The following EMCN variants were observed in gnomAD, a reference collection of about 807,000 sequenced individuals.
EMCN encodes MUC-14.
In EMCN, 37 loss-of-function variants were observed where a neutral mutation model predicts 38.4. The ratio of observed to expected loss-of-function variants is 0.96; its 90% CI spans 0.74 to 1.27. The LOEUF is 1.27. Among genes scored for constraint, EMCN ranks in the 50% most tolerant of loss-of-function variants. The probability of loss-of-function intolerance (pLI) is 0.00; values close to 1 mark genes in which losing one functional copy is unlikely to be tolerated. For synonymous variants in EMCN, 95 were observed against 100.8 expected, an observed-to-expected ratio of 0.94 and a Z score of 0.35; for missense variants, 318 against 302.8, an observed-to-expected ratio of 1.05 and a Z score of -0.37.
At chr4:100,509,327 A>C (rs1405742819) in intron 1 of EMCN, among the ~76,000 whole-genome samples, 1 of 152,238 alleles carries the variant, frequency 6.6e-6, no homozygotes, top group Non-Finnish European at 1.5e-5. Flanking sequence ...AAAAATAAAA[A>C]GTTCACTGAT....
At chr4:100,412,534 G>C (rs973702576) in intron 10 of EMCN, among the ~76,000 whole-genome samples, 1 of 152,076 alleles carries the variant, frequency 6.6e-6, no homozygotes, top group African/African-American at 2.4e-5. Context: ...TGTATTAACT[G>C]TCTGAGATGA....
chr4:100,487,096 T>C, intron 1 of EMCN: 1 of 830,320 alleles, frequency 1.2e-6, no homozygotes, highest in Non-Finnish European at 1.5e-6. Flanking sequence ...AAAAGGAATA[T>C]CTTGGCAATG....
rs1339332964 is a variant in EMCN at position 100,396,015 on chromosome 4, A to AT, written c.*2397dup. 1 of 152,202 alleles carries AT rather than the reference A, an allele frequency of 6.6e-6. No individual in the cohort carries two copies. The highest frequency in any genetic ancestry group is 6.6e-5 in the Admixed American group (1 of 15,266). The allele number at this position is 152,202 out of a possible 1,614,324, so 9.4% of individuals were successfully genotyped here. On this transcript the variant is annotated 3_prime_UTR_variant, in exon 12 of 12. Transcript: ENST00000296420. The stretch of plus-strand genomic sequence containing the variant: ...AATGATGTTTGAACTGTGTATCAGA[A>AT]TAAAAAACTTACAGTAAGCCAGGCA...
intron 3 of EMCN, among the ~76,000 whole-genome samples, chr4:100,468,150 CAA>C: frequency 6.6e-6 from 1 of 152,142 alleles, no homozygotes. Flanking sequence ...GAATTTAACA[CAA>C]GAGATGCTTG....
chr4:100,455,905 C>T (rs1479714718), intron 4 of EMCN, among the ~76,000 whole-genome samples: 1 of 152,110 alleles, frequency 6.6e-6, no homozygotes, highest in Non-Finnish European at 1.5e-5. Context: ...ATCAATCCTC[C>T]TGCCTCACCC....
chr4:100,462,803 A>G (rs373340435), intron 4 of EMCN, among the ~76,000 whole-genome samples: 94 of 152,280 alleles, frequency 6.2e-4, no homozygotes, highest in African/African-American at 2.2e-3. Context: ...GTAGTTTACA[A>G]TTATGGTGTG....
intron 5 of EMCN, among the ~76,000 whole-genome samples, chr4:100,430,243 C>T (rs568191060): frequency 6.6e-6 from 1 of 152,130 alleles, no homozygotes; most frequent in South Asian, 2.1e-4. Flanking sequence ...TTCATTTGCC[C>T]AGGGCCCCAC....
At chr4:100,416,978 G>A in intron 9 of EMCN, 139 bp downstream of exon 9, 1 of 767,850 alleles carries the variant, frequency 1.3e-6, no homozygotes, top group Admixed American at 2.4e-5. Flanking sequence ...TAAATGGAGA[G>A]AGCTCTGACA....
intron 1 of EMCN, among the ~76,000 whole-genome samples, chr4:100,510,192 G>T (rs1384597606): frequency 2.0e-5 from 3 of 152,110 alleles, no homozygotes; most frequent in African/African-American, 7.2e-5. Context: ...TGAGGATGTT[G>T]ACTATTTTCA....
In EMCN at chr4:100,409,380, A is replaced by C. The variant is rs112503654; in HGVS notation, c.*39+902T>G. The stretch of plus-strand genomic sequence containing the variant: ...TTCCTTACTTAGTTCTAGGAAAGTA[A>C]AAGTCAATCCCATACCAACTGGGAG... On this transcript the variant is annotated intron_variant, in intron 11 of 11. Transcript: ENST00000296420. 2.7e-3 allele frequency among the ~76,000 whole-genome samples: 411 copies of C among 152,304 alleles called. 2 individuals are homozygous for C. Among genetic ancestry groups the C allele is most frequent in the African/African-American group, 9.5e-3 (394 of 41,558 alleles).
intron 7 of EMCN, 55 bp downstream of exon 7, chr4:100,422,966 C>G: frequency 6.5e-7 from 1 of 1,539,670 alleles, no homozygotes; most frequent in Non-Finnish European, 9.0e-7. Flanking sequence ...TTACTGGTCA[C>G]ATTCAAACAT....
intron 5 of EMCN, among the ~76,000 whole-genome samples, chr4:100,431,932 G>A (rs193044829): frequency 9.9e-5 from 15 of 151,876 alleles, no homozygotes; most frequent in Non-Finnish European, 2.1e-4. Flanking sequence ...TTCTCAATTC[G>A]GTAAGGCACA....
At chr4:100,516,227 G>A (rs954165647) in intron 1 of EMCN, among the ~76,000 whole-genome samples, 1 of 152,100 alleles carries the variant, frequency 6.6e-6, no homozygotes, top group Non-Finnish European at 1.5e-5. Context: ...AAACCTGCCA[G>A]TACATCTCTG....
intron 1 of EMCN, among the ~76,000 whole-genome samples, chr4:100,499,214 T>G (rs1017490188): frequency 2.0e-5 from 3 of 152,210 alleles, no homozygotes; most frequent in African/African-American, 7.2e-5. Flanking sequence ...TTTTGTTAAG[T>G]AAACTCCCTT....
chr4:100,505,203 A>G (rs975361241), intron 1 of EMCN, among the ~76,000 whole-genome samples: 12 of 151,938 alleles, frequency 7.9e-5, no homozygotes, highest in Middle Eastern at 3.2e-3. Context: ...ATTCGGGGCC[A>G]CTACTGGTCT....
rs927655499 is a variant in EMCN, at chr4:100,397,560, C to G, written c.*853G>C. The G allele has an allele frequency of 2.0e-5, 3 of 152,030 alleles. No homozygotes were observed. Among genetic ancestry groups the G allele is most frequent in the Non-Finnish European group, 4.4e-5 (3 of 68,008 alleles). The allele number at this position is 152,030 out of a possible 1,614,324, so 9.4% of individuals were successfully genotyped here. ...AATGAGTTAATGAAAAATCATGATC[C>G]TATTATCTTAATGAATGCAGTATAG... is the stretch of plus-strand genomic sequence containing the variant. On this transcript the variant is annotated 3_prime_UTR_variant, in exon 12 of 12. Coordinates refer to ENST00000296420, the MANE Select transcript of EMCN (RefSeq NM_016242.4).
intron 7 of EMCN, among the ~76,000 whole-genome samples, chr4:100,422,445 T>C (rs1726914642): frequency 6.6e-6 from 1 of 152,104 alleles, no homozygotes; most frequent in African/African-American, 2.4e-5. Flanking sequence ...AAGGAAGTTA[T>C]TTAATATTCT....
chr4:100,419,225 C>T (rs749130157), intron 8 of EMCN, among the ~76,000 whole-genome samples: 18 of 152,168 alleles, frequency 1.2e-4, no homozygotes, highest in Admixed American at 2.0e-4. Flanking sequence ...TCATTTCTTA[C>T]GGAAATCTCT....
At chr4:100,475,659 C>CTTTTTTTTT (rs869169290) in intron 2 of EMCN, among the ~76,000 whole-genome samples, 4 of 60,316 alleles carry the variant, frequency 6.6e-5, no homozygotes, top group African/African-American at 3.4e-4. Flanking sequence ...AATTCTAGTC[C>CTTTTTTTTT]TTTTTTTTTT....
Sources: gnomAD v4.1 joint callset for allele counts (sites outside exome capture counted in the v4.1 genomes callset) on GRCh38, gnomAD v4.1.1 for gene constraint, MANE v1.5 for transcripts, NCBI Gene and HGNC (gene_info 2026-07-23, HGNC 2026-07-21) for gene names.